Variants in DGKB observed in about 807,000 individuals in gnomAD.
DGKB encodes diacylglycerol kinase beta, also known as 90 kDa diacylglycerol kinase.
A neutral mutation model predicts 114.3 loss-of-function variants in DGKB; 67 were observed. The ratio of observed to expected loss-of-function variants is 0.59; its 90% confidence interval spans 0.48 to 0.72. The LOEUF is 0.72. Ranked by LOEUF, DGKB falls within the 30% of genes least tolerant of loss-of-function variation. The probability of loss-of-function intolerance (pLI) is 0.00; values close to 1 mark genes in which losing one functional copy is unlikely to be tolerated. For synonymous variants in DGKB, 398 were observed against 323.1 expected (o/e 1.23, Z -2.49); for missense variants, 907 against 975.2 (o/e 0.93, Z 0.93).
At chr7:14,257,685 G>A (rs1008027821) in intron 23 of DGKB, among the ~76,000 whole-genome samples, 1 of 151,972 alleles carries the variant, frequency 6.6e-6, no homozygotes, top group African/African-American at 2.4e-5. Context: ...ATTTTCCTGA[G>A]GCCTCCACAG....
chr7:14,352,387 T>C (rs974635785), intron 21 of DGKB, among the ~76,000 whole-genome samples: 45 of 152,344 alleles, frequency 3.0e-4, no homozygotes, highest in African/African-American at 1.1e-3. Context: ...ATCATAATAC[T>C]AATTATTTCT....
At chr7:14,150,592 C>T (rs1782044857) in intron 25 of DGKB, among the ~76,000 whole-genome samples, 1 of 152,064 alleles carries the variant, frequency 6.6e-6, no homozygotes. Flanking sequence ...ATAAATTGCA[C>T]CTGTAAAAGG....
chr7:14,852,674 AG>A (rs528394714), intron 1 of DGKB, among the ~76,000 whole-genome samples: 4 of 152,140 alleles, frequency 2.6e-5, no homozygotes, highest in Admixed American at 6.6e-5. Context: ...CTACGAATAA[AG>A]GATAACTCTT....
chr7:14,859,813 G>A lies in DGKB; in HGVS notation c.-187-18363C>T, dbSNP rs1046645848. The stretch of plus-strand genomic sequence containing the variant: ...AAATATCTGAAATGCATAACTCTGC[G>A]TCTCACAATAGCTTGTGTTAAAGCC... On this transcript the variant is annotated intron_variant, in intron 1 of 25. Coordinates refer to ENST00000402815, the MANE Select transcript of DGKB (RefSeq NM_001350709.2). 9.2e-5 allele frequency among the ~76,000 whole-genome samples: 14 copies of A among 151,892 alleles called. No homozygotes were observed. In the South Asian group the frequency reaches 1.2e-3, roughly 14 times the overall value.
chr7:14,678,527 G>A (rs1462926780), intron 12 of DGKB, among the ~76,000 whole-genome samples: 1 of 152,064 alleles, frequency 6.6e-6, no homozygotes, highest in South Asian at 2.1e-4. Context: ...AGCTATGGCA[G>A]AGGGTGTGTG....
At chr7:14,783,597 A>T (rs924164002) in intron 2 of DGKB, among the ~76,000 whole-genome samples, 1 of 152,220 alleles carries the variant, frequency 6.6e-6, no homozygotes, top group Non-Finnish European at 1.5e-5. Context: ...TATCTCAATA[A>T]ATTCTGCTCA....
chr7:14,305,335 T>C (rs1170747963), intron 23 of DGKB, among the ~76,000 whole-genome samples: 2 of 152,048 alleles, frequency 1.3e-5, no homozygotes, highest in African/African-American at 2.4e-5. Flanking sequence ...ACTACCTCCA[T>C]GAGATCAATT....
At chr7:14,360,356 G>A (rs534739719) in intron 21 of DGKB, among the ~76,000 whole-genome samples, 3 of 151,936 alleles carry the variant, frequency 2.0e-5, no homozygotes, top group African/African-American at 7.2e-5. Flanking sequence ...GAGAAATACC[G>A]AATGTAAGTG....
intron 21 of DGKB, among the ~76,000 whole-genome samples, chr7:14,388,450 A>C (rs1426001045): frequency 6.7e-6 from 1 of 148,494 alleles, no homozygotes; most frequent in African/African-American, 2.4e-5. Context: ...TATATAAAAT[A>C]TATATATCTA....
intron 23 of DGKB, among the ~76,000 whole-genome samples, chr7:14,207,498 T>C (rs1158245690): frequency 1.3e-5 from 2 of 151,976 alleles, no homozygotes; most frequent in African/African-American, 4.8e-5. Flanking sequence ...GTTGGACTCA[T>C]GCACAGAAGC....
chr7:14,587,166 G>C (rs1800914231), intron 17 of DGKB, among the ~76,000 whole-genome samples: 1 of 152,096 alleles, frequency 6.6e-6, no homozygotes, highest in Non-Finnish European at 1.5e-5. Context: ...ATGGACAGAG[G>C]TCAAAATATC....
At chr7:14,195,236 G>A (rs998446410) in intron 23 of DGKB, among the ~76,000 whole-genome samples, 1 of 152,108 alleles carries the variant, frequency 6.6e-6, no homozygotes, top group African/African-American at 2.4e-5. Flanking sequence ...TGTTTTCACA[G>A]CACCATGCCT....
chr7:14,430,672 T>A (rs1828321173), intron 21 of DGKB, among the ~76,000 whole-genome samples: 1 of 152,182 alleles, frequency 6.6e-6, no homozygotes, highest in African/African-American at 2.4e-5. Flanking sequence ...TAAATTGATT[T>A]ATTAGTTGAA....
At chr7:14,593,280 G>C (rs1243351814) in intron 17 of DGKB, among the ~76,000 whole-genome samples, 1 of 151,910 alleles carries the variant, frequency 6.6e-6, no homozygotes, top group Non-Finnish European at 1.5e-5. Flanking sequence ...CAGAAAATGA[G>C]AGAATATTTA....
At chr7:14,301,520 T>C (rs556310226) in intron 23 of DGKB, among the ~76,000 whole-genome samples, 1 of 152,182 alleles carries the variant, frequency 6.6e-6, no homozygotes, top group Non-Finnish European at 1.5e-5. Flanking sequence ...TTTAAATTAA[T>C]CCTCATAAGA....
chr7:14,516,684 T>G (rs539739915), intron 20 of DGKB, among the ~76,000 whole-genome samples: 1 of 152,252 alleles, frequency 6.6e-6, no homozygotes, highest in East Asian at 1.9e-4. Context: ...TGAACGTTGT[T>G]GGTGTATGGG....
chr7:14,393,511 A>T (rs1171487837), intron 21 of DGKB, among the ~76,000 whole-genome samples: 1 of 152,196 alleles, frequency 6.6e-6, no homozygotes, highest in Non-Finnish European at 1.5e-5. Context: ...AATAATCTAC[A>T]TAAATATCTT....
intron 2 of DGKB, among the ~76,000 whole-genome samples, chr7:14,812,691 C>T (rs988714289): frequency 5.9e-5 from 9 of 152,118 alleles, no homozygotes; most frequent in African/African-American, 9.7e-5. Context: ...GTCAAATATC[C>T]CAGGCTTCAA....
chr7:14,967,996 A>G (rs1787261809), intron 1 of DGKB, among the ~76,000 whole-genome samples: 1 of 152,174 alleles, frequency 6.6e-6, no homozygotes, highest in Non-Finnish European at 1.5e-5. Context: ...ATAGTGAGGT[A>G]AAAAGAGTGA....
Sources: allele counts gnomAD v4.1 joint callset (sites outside exome capture counted in the v4.1 genomes callset), GRCh38; gene constraint gnomAD v4.1.1; transcripts MANE v1.5; gene names NCBI Gene and HGNC (gene_info 2026-07-23, HGNC 2026-07-21).